DDX54: variants seen among roughly 807,000 people sequenced by gnomAD.
The protein encoded by DDX54 is DEAD-box helicase 54.
A neutral mutation model predicts 105.5 loss-of-function variants in DDX54; 67 were observed. The observed-to-expected ratio is 0.64, with a 90% confidence interval of 0.52 to 0.78. The LOEUF is 0.78. DDX54 is among the 30% of genes least tolerant of loss of function. The pLI, the probability that DDX54 is intolerant of heterozygous loss-of-function variation, is 0.00. For synonymous variants in DDX54, 514 were observed against 509.9 expected (o/e 1.01, Z -0.11); for missense variants, 1,206 against 1,230.5 (o/e 0.98, Z 0.30).
chr12:113,185,193 C>T, intron 1 of DDX54, 85 bp downstream of exon 1: 1 of 1,412,386 alleles, frequency 7.1e-7, no homozygotes, highest in Non-Finnish European at 9.2e-7. Flanking sequence ...GGAGCCCAAT[C>T]CCCAGCTGGG....
rs1199724125 is a variant in DDX54, at chr12:113,161,838, G to C, written c.2300+55C>G. 5.3e-6 allele frequency: 6 copies of C among 1,124,134 alleles called. No individual in the cohort carries two copies. The South Asian group carries it at 8.1e-5, about 15-fold the overall frequency. The allele number at this position is 1,124,134 out of a possible 1,614,324, so 69.6% of individuals were successfully genotyped here. A position where few individuals can be genotyped will look rare whatever the true frequency, so the allele number is the denominator to read the frequency against. On this transcript the variant is annotated intron_variant, in intron 18 of 19. Transcript: ENST00000306014. ...CCCCAGGTTCCACTTAATTGAAGCTGCTCCTGCTGAAGCTCCTCGGCCCCG... is the reference window on the plus strand; with the variant it reads ...CCCCAGGTTCCACTTAATTGAAGCTCCTCCTGCTGAAGCTCCTCGGCCCCG...
At chr12:113,168,795 TTG>T (rs1187564681) in intron 12 of DDX54, among the ~76,000 whole-genome samples, 2 of 152,076 alleles carry the variant, frequency 1.3e-5, no homozygotes, top group Non-Finnish European at 2.9e-5. Context: ...CTGGGCGTGG[TTG>T]TGTGTGCCTG....
rs1395513936 is a variant in DDX54, at chr12:113,164,208, C to T, written c.1797G>A (p.Lys599=). Residue 599 remains lysine (K), a synonymous_variant, in exon 15 of 20, where the codon AAG becomes AAA. Transcript: ENST00000306014. ...VMRAKRQKDR[K]AIARFQQGQQ... is the part of the protein sequence containing the mutation. The stretch of plus-strand genomic sequence containing the variant: ...GTCCCTGCTGGAAGCGGGCGATGGC[C>T]TTGCGGTCCTTCTGCCGCTTGGCGC... The T allele has an allele frequency of 1.4e-5, 22 of 1,582,568 alleles. No homozygotes were observed. The highest frequency in any genetic ancestry group is 5.4e-5 in the Admixed American group (3 of 55,536).
chr12:113,162,570 A>G (rs1952220455), intron 17 of DDX54: 1 of 307,790 alleles, frequency 3.2e-6, no homozygotes, highest in Non-Finnish European at 6.1e-6. Flanking sequence ...GCCTGCTGGC[A>G]TGGAGGGCAG....
rs200348185 is a variant in DDX54 at position 113,163,256 on chromosome 12, C to T, written c.1957G>A (p.Val653Met). The T allele has an allele frequency of 1.1e-5, 18 of 1,609,604 alleles. No individual in the cohort carries two copies. In the East Asian group the frequency reaches 1.3e-4, roughly 12 times the overall value. ...ESVEDIFSEVVGRKRQRSGPN... is the reference protein window; with the variant it reads ...ESVEDIFSEVMGRKRQRSGPN... Reference sequence around the variant, plus strand: ...CCTGACCGCTGCCGCTTCCGGCCCACGACCTCTGAGAAAATGTCCTGGCAG... The same window carrying T: ...CCTGACCGCTGCCGCTTCCGGCCCATGACCTCTGAGAAAATGTCCTGGCAG... The change falls in exon 16 of 20, where the codon GTG becomes ATG. Residue 653 changes from valine (V) to methionine (M), a missense_variant. Coordinates refer to ENST00000306014, the MANE Select transcript of DDX54 (RefSeq NM_024072.4). The surrounding 1 kb of genome is among the most constrained non-coding windows in gnomAD (Gnocchi z 5.9).
intron 14 of DDX54, among the ~76,000 whole-genome samples, chr12:113,164,654 C>T (rs1178449275): frequency 1.3e-5 from 2 of 151,872 alleles, no homozygotes; most frequent in Non-Finnish European, 2.9e-5. Flanking sequence ...GCAGAGGTTG[C>T]AGTGAGCCGA....
At chr12:113,162,057 C>G in intron 17 of DDX54, 60 bp from the exon 18 acceptor site, 1 of 1,523,490 alleles carries the variant, frequency 6.6e-7, no homozygotes, top group African/African-American at 1.4e-5. Context: ...TGCCGGCTGC[C>G]GCTTGGGGCC....
At chr12:113,182,561 C>A (rs1370469381) in intron 1 of DDX54, among the ~76,000 whole-genome samples, 3 of 151,836 alleles carry the variant, frequency 2.0e-5, no homozygotes, top group African/African-American at 4.8e-5. Flanking sequence ...CTTCAGTCTT[C>A]TTCTTTTTTT....
Position 113,162,001 on chromosome 12 carries a change from CA to C in DDX54, c.2196-5del. Reference sequence around the variant, plus strand: ...AAACCGCTTCTTCTTACGGTCCCTGCAGGAGAGGGAGTTGGGACGGCTGCCG... The same window carrying C: ...AAACCGCTTCTTCTTACGGTCCCTGCGGAGAGGGAGTTGGGACGGCTGCCG... On this transcript the variant is annotated splice_polypyrimidine_tract_variant and splice_region_variant and intron_variant, in intron 17 of 19. Coordinates refer to ENST00000306014, the MANE Select transcript of DDX54 (RefSeq NM_024072.4). 6.2e-7 allele frequency: 1 copy of C among 1,612,406 alleles called. No individual in the cohort carries two copies. The highest frequency in any genetic ancestry group is 1.1e-5 in the South Asian group (1 of 91,074).
At chr12:113,172,323 C>G (rs1423822357) in intron 11 of DDX54, 30 bp downstream of exon 11, 1 of 1,604,296 alleles carries the variant, frequency 6.2e-7, no homozygotes, top group Non-Finnish European at 8.5e-7. Context: ...GCACCCCTGC[C>G]TGCCCCAGGG....
intron 10 of DDX54, 114 bp downstream of exon 10, chr12:113,174,526 C>T (rs1162956987): frequency 1.4e-6 from 2 of 1,426,292 alleles, no homozygotes; most frequent in Non-Finnish European, 1.9e-6. Context: ...CCATCTTGAG[C>T]CCAGGCCCAG....
chr12:113,163,915 C>A lies in DDX54; in HGVS notation c.1938+152G>T. ...AGAGTTTTAAACGAGGGATGGTGGA[C>A]AAGAACCATGCCCCGACTCTGCAGA... On this transcript the variant is annotated intron_variant, in intron 15 of 19. Coordinates refer to ENST00000306014, the MANE Select transcript of DDX54 (RefSeq NM_024072.4). The surrounding 1 kb of genome is among the most constrained non-coding windows in gnomAD (Gnocchi z 5.9). 7.2e-7 allele frequency: 1 copy of A among 1,395,248 alleles called. No homozygotes were observed. Among genetic ancestry groups the A allele is most frequent in the Admixed American group, 2.9e-5 (1 of 34,710 alleles). The allele number at this position is 1,395,248 out of a possible 1,614,324, so 86.4% of individuals were successfully genotyped here. A position where few individuals can be genotyped will look rare whatever the true frequency, so the allele number is the denominator to read the frequency against.
chr12:113,179,836 G>T, intron 3 of DDX54, 99 bp downstream of exon 3: 2 of 1,364,982 alleles, frequency 1.5e-6, no homozygotes, highest in Non-Finnish European at 1.0e-6. Context: ...GGGGGCAGGA[G>T]ATGTGACAGG....
rs367772362 is a variant in DDX54, at chr12:113,179,251, G to A, written c.456C>T (p.Leu152=). 27 of 1,614,036 alleles carry A rather than the reference G, an allele frequency of 1.7e-5. No homozygotes were observed. Among genetic ancestry groups the A allele is most frequent in the Non-Finnish European group, 2.2e-5 (26 of 1,180,048 alleles). The change falls in exon 4 of 20, where the codon CTC becomes CTT. Residue 152 remains leucine, a synonymous_variant. Transcript: ENST00000306014. ...GGGTCTTGAGCCGCTCGAACATTGGGAGGAGGAAGCAGGCTGTCTTGCCAC... is the reference window on the plus strand; with the variant it reads ...GGGTCTTGAGCCGCTCGAACATTGGAAGGAGGAAGCAGGCTGTCTTGCCAC... ...TGSGKTACFL[L]PMFERLKTHS...
chr12:113,178,921 G>T, intron 5 of DDX54, 56 bp downstream of exon 5: 1 of 1,597,916 alleles, frequency 6.3e-7, no homozygotes, highest in South Asian at 1.1e-5. Context: ...ATGTCCTGGA[G>T]ACACAGAGAT....
chr12:113,176,797 C>T (rs753437682), intron 7 of DDX54, 43 bp downstream of exon 7: 81 of 1,605,058 alleles, frequency 5.0e-5, no homozygotes, highest in Non-Finnish European at 1.5e-5. Context: ...CTCTGCTTTC[C>T]CAGTTCAGAC....
In DDX54 at chr12:113,164,205, G is replaced by A. The variant is rs762399062; in HGVS notation, c.1800C>T (p.Ala600=). The stretch of plus-strand genomic sequence containing the variant: ...GCTGTCCCTGCTGGAAGCGGGCGAT[G>A]GCCTTGCGGTCCTTCTGCCGCTTGG... ...MRAKRQKDRK[A]IARFQQGQQG... is the part of the protein sequence containing the mutation. Residue 600 remains alanine (A), a synonymous_variant, in exon 15 of 20, where the codon GCC becomes GCT. Transcript: ENST00000306014. The A allele has an allele frequency of 3.8e-6, 6 of 1,580,780 alleles. No homozygotes were observed.
At chr12:113,174,164 G>GT (rs1398465017) in intron 10 of DDX54, among the ~76,000 whole-genome samples, 3 of 149,838 alleles carry the variant, frequency 2.0e-5, no homozygotes, top group Non-Finnish European at 4.4e-5. Flanking sequence ...GGGCGACAGA[G>GT]TGAGATACCA....
Position 113,157,525 on chromosome 12 carries a change from C to A in DDX54, c.*1352G>T. The A allele has an allele frequency of 8.1e-7, 1 of 1,239,506 alleles. No homozygotes were observed. Among genetic ancestry groups the A allele is most frequent in the Non-Finnish European group, 1.2e-6 (1 of 866,986 alleles). 76.8% of individuals were successfully genotyped at this position (1,239,506 alleles called of 1,614,324 possible). Reference sequence around the variant, plus strand: ...TCCAGTCCCCGCCCTACCTTTCGGCCTCCCCCGCGTGTTGAGGGGTGGGGG... The same window carrying A: ...TCCAGTCCCCGCCCTACCTTTCGGCATCCCCCGCGTGTTGAGGGGTGGGGG... On this transcript the variant is annotated 3_prime_UTR_variant, in exon 20 of 20. Transcript: ENST00000306014.
Sources: allele counts gnomAD v4.1 joint callset (sites outside exome capture counted in the v4.1 genomes callset), GRCh38; gene constraint gnomAD v4.1.1; non-coding constraint Gnocchi (gnomAD v3.1); transcripts MANE v1.5; gene names NCBI Gene and HGNC (gene_info 2026-07-23, HGNC 2026-07-21).